Variants in FGF14 observed in about 807,000 individuals in gnomAD.
FGF14 encodes fibroblast growth factor 14.
FGF14 carries 5 observed loss-of-function variants against 25.5 expected under a neutral mutation model. The ratio of observed to expected loss-of-function variants is 0.20; its 90% CI spans 0.10 to 0.41. The LOEUF is 0.41. Among genes scored for constraint, FGF14 ranks in the 10% least tolerant of loss-of-function variants. The pLI is 1.00. For missense variants in FGF14, 222 were observed against 320.1 expected, an observed-to-expected ratio of 0.69 and a Z score of 2.34; for synonymous variants, 138 against 118.3, an observed-to-expected ratio of 1.17 and a Z score of -1.08.
chr13:102,305,467 C>A lies in FGF14; in HGVS notation c.208+96004G>T, dbSNP rs145072419. Among the ~76,000 whole-genome samples the A allele has an allele frequency of 1.1e-4, 16 of 152,208 alleles. No individual in the cohort carries two copies. The East Asian group carries it at 3.1e-3, about 29-fold the overall frequency. ...GATGCACAATACAGAAGCTTAAAGA[C>A]AATGTCAGGGTGTGATTATGAAAGA... On this transcript the variant is annotated intron_variant, in intron 1 of 4. Transcript: ENST00000376131.
chr13:101,851,184 G>A (rs2043826582), intron 3 of FGF14, among the ~76,000 whole-genome samples: 2 of 151,976 alleles, frequency 1.3e-5, no homozygotes, highest in Non-Finnish European at 2.9e-5. Flanking sequence ...TTTATAAAGA[G>A]GGACAATGAA....
intron 3 of FGF14, among the ~76,000 whole-genome samples, chr13:101,795,865 TAGAC>T (rs1438291335): frequency 1.3e-5 from 2 of 152,146 alleles, no homozygotes; most frequent in Admixed American, 1.3e-4. Flanking sequence ...CAGAAATCAT[TAGAC>T]AGTATTCTAT....
Position 102,255,641 on chromosome 13 carries a change from AG to A in FGF14, c.208+145829del, listed in dbSNP as rs2052400888. Among the ~76,000 whole-genome samples, 4 of 152,322 alleles carry A rather than the reference AG, an allele frequency of 2.6e-5. No homozygotes were observed. In the South Asian group the frequency reaches 8.3e-4, roughly 32 times the overall value. On this transcript the variant is annotated intron_variant, in intron 1 of 4. Transcript: ENST00000376131. ...ACAAAGTAATGTAATTTCCTGGGTA[AG>A]CTGTGAGTAAGTAATTATCTCATCA...
At chr13:102,270,181 A>G (rs1305839804) in intron 1 of FGF14, among the ~76,000 whole-genome samples, 1 of 152,204 alleles carries the variant, frequency 6.6e-6, no homozygotes, top group Non-Finnish European at 1.5e-5. Flanking sequence ...GGAAAAAAAA[A>G]TAAAAGAACC....
At chr13:102,161,660 A>AGAAGAAGAAGAG (rs2047742249) in intron 1 of FGF14, among the ~76,000 whole-genome samples, 1 of 21,162 alleles carries the variant, frequency 4.7e-5, no homozygotes, top group Non-Finnish European at 9.2e-5. Flanking sequence ...AAGAAGAAGA[A>AGAAGAAGAAGAG]GAAGAAGAAG....
chr13:102,173,098 C>A (rs950359717), intron 1 of FGF14, among the ~76,000 whole-genome samples: 2 of 152,006 alleles, frequency 1.3e-5, no homozygotes, highest in South Asian at 4.1e-4. Flanking sequence ...TGATAAGAGG[C>A]TAATATCCAA....
intron 1 of FGF14, among the ~76,000 whole-genome samples, chr13:102,077,077 T>C (rs1209300722): frequency 1.3e-5 from 2 of 152,200 alleles, no homozygotes; most frequent in Non-Finnish European, 2.9e-5. Context: ...GATATCCACA[T>C]GCAGAAGGAT....
intron 3 of FGF14, among the ~76,000 whole-genome samples, chr13:101,856,879 T>C (rs554135490): frequency 2.0e-5 from 3 of 152,082 alleles, no homozygotes; most frequent in Non-Finnish European, 2.9e-5. Context: ...TTGCCCACCA[T>C]AGAAAATAAT....
At chr13:102,074,487 G>T (rs2043281057) in intron 1 of FGF14, among the ~76,000 whole-genome samples, 1 of 152,122 alleles carries the variant, frequency 6.6e-6, no homozygotes, top group East Asian at 1.9e-4. Flanking sequence ...AATGTGGCAG[G>T]TGTCATGTTA....
At chr13:102,331,165 T>C (rs1457822434) in intron 1 of FGF14, among the ~76,000 whole-genome samples, 3 of 152,212 alleles carry the variant, frequency 2.0e-5, no homozygotes, top group Admixed American at 6.5e-5. Context: ...AGAAAATTCC[T>C]TGGGACACAG....
intron 1 of FGF14, among the ~76,000 whole-genome samples, chr13:102,283,104 A>G (rs1441713951): frequency 1.3e-5 from 2 of 152,118 alleles, no homozygotes; most frequent in Non-Finnish European, 2.9e-5. Flanking sequence ...CTTTTCATCC[A>G]TGACTGCCCC....
chr13:102,379,099 C>T (rs186378435), intron 1 of FGF14, among the ~76,000 whole-genome samples: 66 of 152,144 alleles, frequency 4.3e-4, no homozygotes, highest in African/African-American at 1.5e-3. Context: ...CCAGGCAAAT[C>T]GAAATTCCAA....
intron 1 of FGF14, among the ~76,000 whole-genome samples, chr13:102,212,608 CAT>C (rs2050208033): frequency 6.6e-6 from 1 of 152,168 alleles, no homozygotes; most frequent in Admixed American, 6.5e-5. Flanking sequence ...CTACAAATAA[CAT>C]ACTCTGGGCA....
At position 101,833,771 on chromosome 13, in the gene FGF14, T is replaced by C. The variant is rs533764922; in HGVS notation, c.408+34954A>G. ...TAATTCTTCATCCCCACTGGTTTCATTGCTATTCAGCATCTTGCCAATTTC... is the reference window on the plus strand; with the variant it reads ...TAATTCTTCATCCCCACTGGTTTCACTGCTATTCAGCATCTTGCCAATTTC... On this transcript the variant is annotated intron_variant, in intron 3 of 4. Transcript: ENST00000376143. Among the ~76,000 whole-genome samples, 5 of 152,278 alleles carry C rather than the reference T, an allele frequency of 3.3e-5. No homozygotes were observed. In the South Asian group the frequency reaches 8.3e-4, roughly 25 times the overall value.
chr13:101,831,894 A>G (rs1006654689), intron 3 of FGF14, among the ~76,000 whole-genome samples: 5 of 152,226 alleles, frequency 3.3e-5, no homozygotes, highest in African/African-American at 1.2e-4. Context: ...GGTAGAAATA[A>G]GCTGCCAATA....
chr13:102,263,170 A>G (rs1004610915), intron 1 of FGF14: 1 of 578,378 alleles, frequency 1.7e-6, no homozygotes, highest in East Asian at 4.3e-5. Flanking sequence ...GGAATCCTAA[A>G]AGTCTTTTAA....
At chr13:101,942,953 A>G (rs989669113) in intron 1 of FGF14, among the ~76,000 whole-genome samples, 2 of 152,224 alleles carry the variant, frequency 1.3e-5, no homozygotes, top group African/African-American at 4.8e-5. Context: ...AGAGCTAATG[A>G]AAACCAGGCA....
At chr13:102,197,782 C>T (rs565959459) in intron 1 of FGF14, among the ~76,000 whole-genome samples, 2 of 152,122 alleles carry the variant, frequency 1.3e-5, no homozygotes, top group East Asian at 3.9e-4. Flanking sequence ...AACAGTCTCC[C>T]AACAGCCCAT....
intron 1 of FGF14, among the ~76,000 whole-genome samples, chr13:102,158,623 AACAG>A (rs1286405996): frequency 6.6e-6 from 1 of 152,104 alleles, no homozygotes; most frequent in Non-Finnish European, 1.5e-5. Context: ...ATACATACGT[AACAG>A]ACCTGCACAT....
Sources: gnomAD v4.1 joint callset for allele counts (sites outside exome capture counted in the v4.1 genomes callset) on GRCh38, gnomAD v4.1.1 for gene constraint, MANE v1.5 for transcripts, NCBI Gene and HGNC (gene_info 2026-07-23, HGNC 2026-07-21) for gene names.